The following SMC6 variants were observed in gnomAD, a reference collection of about 807,000 sequenced individuals.
SMC6 encodes the protein structural maintenance of chromosomes 6, also known as structural maintenance of chromosomes protein 6.
SMC6 carries 79 observed loss-of-function variants against 142.2 expected under a neutral mutation model. The ratio of observed to expected loss-of-function variants is 0.56; its 90% CI spans 0.46 to 0.67. The LOEUF is 0.67. Ranked by LOEUF, SMC6 falls within the 30% of genes least tolerant of loss-of-function variation. SMC6 has a pLI of 0.00. For synonymous variants in SMC6, 411 were observed against 412.4 expected (o/e 1.00, Z 0.04); for missense variants, 1,072 against 1,284.0 (o/e 0.83, Z 2.52).
At chr2:17,687,855 A>C (rs1040283836) in intron 23 of SMC6, among the ~76,000 whole-genome samples, 1 of 152,210 alleles carries the variant, frequency 6.6e-6, no homozygotes, top group African/African-American at 2.4e-5. Flanking sequence ...AATAAAGAAA[A>C]ACCTAATCCA....
intron 23 of SMC6, among the ~76,000 whole-genome samples, chr2:17,689,093 C>T (rs529525427): frequency 1.3e-5 from 2 of 152,064 alleles, no homozygotes; most frequent in African/African-American, 4.8e-5. Flanking sequence ...AATGGAAAAA[C>T]CAATTAACAC....
chr2:17,745,770 GATGA>G (rs1670714372), intron 3 of SMC6, 53 bp downstream of exon 3: 5 of 1,521,198 alleles, frequency 3.3e-6, no homozygotes, highest in East Asian at 2.3e-5. Flanking sequence ...AATGTGATAT[GATGA>G]ATGTTACAAG....
intron 5 of SMC6, among the ~76,000 whole-genome samples, chr2:17,736,438 A>G (rs1016385942): frequency 2.6e-5 from 4 of 151,902 alleles, no homozygotes; most frequent in Non-Finnish European, 5.9e-5. Context: ...CAAATGGGGG[A>G]AAAAAAAGTA....
At chr2:17,735,695 T>C (rs1651105787) in intron 5 of SMC6, among the ~76,000 whole-genome samples, 1 of 152,210 alleles carries the variant, frequency 6.6e-6, no homozygotes, top group East Asian at 1.9e-4. Flanking sequence ...AGAAAGGTTT[T>C]CATGTGAAGA....
Position 17,720,648 on chromosome 2 carries a change from G to C in SMC6, c.945+292C>G, listed in dbSNP as rs552927283. 4.6e-5 allele frequency among the ~76,000 whole-genome samples: 7 copies of C among 152,228 alleles called. No homozygotes were observed. In the South Asian group the frequency reaches 1.4e-3, roughly 32 times the overall value. On this transcript the variant is annotated intron_variant, in intron 11 of 27. Coordinates refer to ENST00000448223, the MANE Select transcript of SMC6 (RefSeq NM_001142286.2). ...CTCCTTAATGAACCAAAGAGTAAAAGCTTCATGCTCTTCTTCTATGTCTTG... is the reference window on the plus strand; with the variant it reads ...CTCCTTAATGAACCAAAGAGTAAAACCTTCATGCTCTTCTTCTATGTCTTG...
At chr2:17,705,958 AT>A (rs1240830410) in intron 18 of SMC6, among the ~76,000 whole-genome samples, 1 of 152,104 alleles carries the variant, frequency 6.6e-6, no homozygotes, top group Non-Finnish European at 1.5e-5. Context: ...ACTATGCTTT[AT>A]TTGTCTCCAC....
At chr2:17,739,801 A>G (rs1051480393) in intron 4 of SMC6, among the ~76,000 whole-genome samples, 9 of 150,756 alleles carry the variant, frequency 6.0e-5, no homozygotes, top group African/African-American at 2.0e-4. Flanking sequence ...TGACCCGGAG[A>G]GAGAGATCCT....
At chr2:17,666,027 T>C (rs565890823) in intron 27 of SMC6, among the ~76,000 whole-genome samples, 6 of 152,338 alleles carry the variant, frequency 3.9e-5, no homozygotes, top group Non-Finnish European at 7.4e-5. Flanking sequence ...CAATAAATAC[T>C]GACTGACAGC....
chr2:17,715,911 T>G (rs997742586), intron 15 of SMC6, among the ~76,000 whole-genome samples, 175 bp downstream of exon 15: 3 of 152,292 alleles, frequency 2.0e-5, no homozygotes, highest in South Asian at 4.1e-4. Flanking sequence ...TTTCCAAAGT[T>G]CTCTTTCTTT....
intron 25 of SMC6, among the ~76,000 whole-genome samples, chr2:17,672,605 C>T (rs1666813859): frequency 6.6e-6 from 1 of 152,148 alleles, no homozygotes; most frequent in South Asian, 2.1e-4. Flanking sequence ...AACTATTATT[C>T]TGATTTTAAT....
At chr2:17,748,247 C>A (rs927774430) in intron 2 of SMC6, among the ~76,000 whole-genome samples, 1 of 152,168 alleles carries the variant, frequency 6.6e-6, no homozygotes. Flanking sequence ...CAGGCCCCAC[C>A]CTAGAGCAAG....
intron 2 of SMC6, among the ~76,000 whole-genome samples, chr2:17,752,173 C>T (rs1418498554): frequency 6.6e-6 from 1 of 152,180 alleles, no homozygotes; most frequent in Admixed American, 6.5e-5. Context: ...ATGACAGCCC[C>T]TCTCTCTCAC....
chr2:17,695,075 T>C (rs920548736), intron 23 of SMC6, 77 bp downstream of exon 23: 27 of 1,486,916 alleles, frequency 1.8e-5, no homozygotes, highest in Admixed American at 3.7e-5. Context: ...ATTTAAGACA[T>C]GTATATGTTT....
At chr2:17,691,362 G>C (rs574009335) in intron 23 of SMC6, among the ~76,000 whole-genome samples, 3 of 129,458 alleles carry the variant, frequency 2.3e-5, no homozygotes, top group African/African-American at 9.3e-5. Context: ...GTGTGTGTGT[G>C]TGTGTATACA....
chr2:17,717,475 C>T (rs865827764), intron 12 of SMC6, among the ~76,000 whole-genome samples: 23 of 152,060 alleles, frequency 1.5e-4, no homozygotes, highest in Non-Finnish European at 2.1e-4. Flanking sequence ...ATCTAGACCA[C>T]CCTGGCTAAC....
chr2:17,722,881 C>G (rs902042677), intron 9 of SMC6, among the ~76,000 whole-genome samples: 16 of 151,860 alleles, frequency 1.1e-4, no homozygotes, highest in African/African-American at 3.9e-4. Flanking sequence ...TTATTGAGAC[C>G]AGACTTACTT....
chr2:17,733,865 A>T (rs965555178), intron 5 of SMC6, among the ~76,000 whole-genome samples: 8 of 152,210 alleles, frequency 5.3e-5, no homozygotes, highest in Non-Finnish European at 7.3e-5. Context: ...ATACACATAC[A>T]CCTACAGACT....
At chr2:17,748,146 A>T (rs1670849466) in intron 2 of SMC6, among the ~76,000 whole-genome samples, 1 of 152,232 alleles carries the variant, frequency 6.6e-6, no homozygotes, top group Non-Finnish European at 1.5e-5. Context: ...AAGGACTTGT[A>T]GACTCCTCAT....
intron 21 of SMC6, 42 bp from the exon 22 acceptor site, chr2:17,696,468 T>C: frequency 5.7e-6 from 9 of 1,587,144 alleles, no homozygotes; most frequent in East Asian, 2.2e-5. Context: ...TTTAAAAAAA[T>C]TTCCAGCATA....
Sources: allele counts gnomAD v4.1 joint callset (sites outside exome capture counted in the v4.1 genomes callset), GRCh38; gene constraint gnomAD v4.1.1; transcripts MANE v1.5; gene names NCBI Gene and HGNC (gene_info 2026-07-23, HGNC 2026-07-21).